Variants in DMBT1 observed in about 807,000 individuals in gnomAD.
The protein encoded by DMBT1 is deleted in malignant brain tumors 1, also known as scavenger receptor cysteine-rich domain-containing protein DMBT1.
In DMBT1, 198 loss-of-function variants were observed where a neutral mutation model predicts 252.9. That is an observed-to-expected ratio of 0.78 (90% CI 0.70 to 0.88). The LOEUF (loss-of-function observed/expected upper bound fraction) is 0.88, where lower values mean the gene tolerates loss of function less well. DMBT1 is among the 40% of genes least tolerant of loss of function. DMBT1 has a pLI of 0.00. For synonymous variants in DMBT1, 990 were observed against 942.7 expected, an observed-to-expected ratio of 1.05 and a Z score of -0.92; for missense variants, 2,432 against 2,404.7, an observed-to-expected ratio of 1.01 and a Z score of -0.24.
chr10:122,628,506 G>C (rs1220988901), intron 46 of DMBT1, among the ~76,000 whole-genome samples: 1 of 152,080 alleles, frequency 6.6e-6, no homozygotes, highest in African/African-American at 2.4e-5. Flanking sequence ...CATAGTGGTG[G>C]GCGGCTGTAA....
chr10:122,618,375 G>C, intron 41 of DMBT1, 35 bp downstream of exon 41: 1 of 1,613,594 alleles, frequency 6.2e-7, no homozygotes, highest in Non-Finnish European at 8.5e-7. Flanking sequence ...CCTCTCTTAA[G>C]TTGAAGTTTG....
At chr10:122,635,420 C>T (rs2098218642) in intron 52 of DMBT1, among the ~76,000 whole-genome samples, 1 of 152,124 alleles carries the variant, frequency 6.6e-6, no homozygotes, top group African/African-American at 2.4e-5. Flanking sequence ...AAAGGGCTGA[C>T]AGGTGAGGGG....
chr10:122,618,943 C>A (rs1565882454), intron 41 of DMBT1, among the ~76,000 whole-genome samples: 2 of 152,238 alleles, frequency 1.3e-5, no homozygotes, highest in Non-Finnish European at 2.9e-5. Flanking sequence ...CAGGCATGGC[C>A]TTGTTATTGC....
intron 54 of DMBT1, among the ~76,000 whole-genome samples, chr10:122,638,311 T>TTCACACC: frequency 7.1e-6 from 1 of 141,752 alleles, no homozygotes; most frequent in Admixed American, 7.3e-5. Context: ...CCATTCACAC[T>TTCACACC]CGTTCACACC....
intron 54 of DMBT1, 80 bp downstream of exon 54, chr10:122,637,392 G>A: frequency 7.2e-7 from 1 of 1,387,512 alleles, no homozygotes; most frequent in Non-Finnish European, 9.6e-7. Flanking sequence ...TTGAATTCTG[G>A]GGATGAAGAA....
rs190624285 is a variant in DMBT1 at position 122,576,442 on chromosome 10, C to T, written c.327C>T (p.Gly109=). ...GLALRLVNGD[G]RCQGRVEILY... ...CCCTGAGGCTGGTGAATGGAGATGG[C>T]AGGTGTCAGGGCCGAGTGGAGATCC... Residue 109 remains glycine (G), a synonymous_variant, in exon 7 of 56, where the codon GGC becomes GGT. Transcript: ENST00000338354. The T allele has an allele frequency of 4.2e-3, 6,791 of 1,613,900 alleles. 92 individuals carry two copies. Among genetic ancestry groups the T allele is most frequent in the Admixed American group, 0.029 (1,752 of 60,012 alleles).
chr10:122,585,144 G>T, intron 14 of DMBT1, 127 bp from the exon 15 acceptor site: 3 of 1,270,872 alleles, frequency 2.4e-6, no homozygotes, highest in Non-Finnish European at 1.1e-6. Context: ...CAGACACATG[G>T]GGAGCAAAGT....
Position 122,592,384 on chromosome 10 carries a change from T to C in DMBT1, c.2289T>C (p.Asp763=), listed in dbSNP as rs753846727. ...SWGTVCDDSW[D]TNDANVVCRQ... is the part of the protein sequence containing the mutation. ...GCACCGTGTGTGATGACAGCTGGGA[T>C]ACCAATGATGCCAATGTGGTCTGCA... Residue 763 remains aspartate, a synonymous_variant, in exon 20 of 56, where the codon GAT becomes GAC. Transcript: ENST00000338354. 33 of 1,588,416 alleles carry C rather than the reference T, an allele frequency of 2.1e-5. 8 individuals carry two copies. Among genetic ancestry groups the C allele is most frequent in the Middle Eastern group, 3.3e-4 (2 of 5,994 alleles).
In DMBT1 at chr10:122,630,306, C is replaced by T; in HGVS notation, c.5841C>T (p.Asn1947=). 1 of 1,613,976 alleles carries T rather than the reference C, an allele frequency of 6.2e-7. No individual in the cohort carries two copies. The highest frequency in any genetic ancestry group is 8.5e-7 in the Non-Finnish European group (1 of 1,179,840). Residue 1947 remains asparagine (N), a synonymous_variant, in exon 48 of 56, where the codon AAC becomes AAT. Transcript: ENST00000338354. ...FSNLKLEAHH[N]CSFDYVEIFD... ...CATACAGATTGGAGGCACACCATAA[C>T]TGCAGTTTTGATTATGTTGAAATCT...
rs1401404163 is a variant in DMBT1, at chr10:122,584,269, G to A, written c.1391-53G>A. 28 of 420,526 alleles carry A rather than the reference G, an allele frequency of 6.7e-5. 2 individuals carry two copies. Among genetic ancestry groups the A allele is most frequent in the African/African-American group, 6.1e-4 (17 of 27,680 alleles). The allele number at this position is 420,526 out of a possible 1,614,324, so 26.0% of individuals were successfully genotyped here. A position where few individuals can be genotyped will look rare whatever the true frequency, so the allele number is the denominator to read the frequency against. ...GTTTAGTTCCTTCCACCTTTGTTCC[G>A]ATTTTGCCAGCTTCTGTATAGTGCA... On this transcript the variant is annotated intron_variant, in intron 13 of 55. Coordinates refer to ENST00000338354, the MANE Select transcript of DMBT1 (RefSeq NM_001377530.1).
Position 122,573,781 on chromosome 10 carries a change from G to A in DMBT1, c.283+19G>A, listed in dbSNP as rs141625742. 6.2e-7 allele frequency: 1 copy of A among 1,611,892 alleles called. No individual in the cohort carries two copies. Among genetic ancestry groups the A allele is most frequent in the South Asian group, 1.1e-5 (1 of 91,020 alleles). ...GCAGAAGGTAACGTCTACTATGGGGGATCCCTGTAGGCTCATTACCCCCCT... is the reference window on the plus strand; with the variant it reads ...GCAGAAGGTAACGTCTACTATGGGGAATCCCTGTAGGCTCATTACCCCCCT... On this transcript the variant is annotated intron_variant, in intron 6 of 55. Coordinates refer to ENST00000338354, the MANE Select transcript of DMBT1 (RefSeq NM_001377530.1).
intron 55 of DMBT1, among the ~76,000 whole-genome samples, chr10:122,640,734 A>G (rs1193903756): frequency 6.6e-6 from 1 of 152,194 alleles, no homozygotes; most frequent in Non-Finnish European, 1.5e-5. Context: ...AGAACAGCTC[A>G]GCAGTGTTCA....
At position 122,630,776 on chromosome 10, in the gene DMBT1, C is replaced by T. The variant is rs28376720; in HGVS notation, c.6026-185C>T. ...TGGAGGTGAGGGGATCTGAGCTTGG[C>T]GATGTCTAGAGCCCCTTTCAGCTCT... On this transcript the variant is annotated intron_variant, in intron 48 of 55. Coordinates refer to ENST00000338354, the MANE Select transcript of DMBT1 (RefSeq NM_001377530.1). Among the ~76,000 whole-genome samples the T allele has an allele frequency of 0.022, 3,363 of 152,228 alleles. 65 individuals carry two copies. The highest frequency in any genetic ancestry group is 0.05 in the Admixed American group (760 of 15,298).
chr10:122,567,735 T>C (rs2097610850), intron 2 of DMBT1, among the ~76,000 whole-genome samples: 1 of 152,164 alleles, frequency 6.6e-6, no homozygotes, highest in South Asian at 2.1e-4. Flanking sequence ...ATGGTGCTTA[T>C]TGACTTCCCA....
At chr10:122,635,620 G>A (rs918732588) in intron 52 of DMBT1, among the ~76,000 whole-genome samples, 4 of 151,994 alleles carry the variant, frequency 2.6e-5, no homozygotes, top group Non-Finnish European at 4.4e-5. Flanking sequence ...GCACGATCTC[G>A]GCTCACTGCA....
At position 122,585,970 on chromosome 10, in the gene DMBT1, G is replaced by C. The variant is rs375545615; in HGVS notation, c.1460-90G>C. ...GTGACTGCCTGCCCAGGTGACTTTAGCCATTAGGACGTGCCTTGAGTGTGG... is the reference window on the plus strand; with the variant it reads ...GTGACTGCCTGCCCAGGTGACTTTACCCATTAGGACGTGCCTTGAGTGTGG... On this transcript the variant is annotated intron_variant, in intron 15 of 55. Coordinates refer to ENST00000338354, the MANE Select transcript of DMBT1 (RefSeq NM_001377530.1). The C allele has an allele frequency of 4.5e-6, 7 of 1,564,990 alleles. 1 individual carries two copies. Among genetic ancestry groups the C allele is most frequent in the East Asian group, 4.7e-5 (2 of 42,528 alleles).
chr10:122,625,202 A>T, intron 44 of DMBT1, 75 bp from the exon 45 acceptor site: 1 of 1,414,312 alleles, frequency 7.1e-7, no homozygotes, highest in African/African-American at 1.4e-5. Flanking sequence ...TGAGATGGGG[A>T]CAGGCACTCA....
chr10:122,597,646 A>C (rs3981002), intron 24 of DMBT1, among the ~76,000 whole-genome samples: 1 of 152,076 alleles, frequency 6.6e-6, no homozygotes, highest in African/African-American at 2.4e-5. Flanking sequence ...TTTCCCTAAC[A>C]TTTTAGCTCG....
rs759583388 is a variant in DMBT1, at chr10:122,618,213, C to T, written c.5088C>T (p.Gly1696=). 12 of 1,613,852 alleles carry T rather than the reference C, an allele frequency of 7.4e-6. No individual in the cohort carries two copies. The highest frequency in any genetic ancestry group is 8.5e-6 in the Non-Finnish European group (10 of 1,179,802). Reference sequence around the variant, plus strand: ...CAGGAAATGCCCAGTTTGGCCAGGGCTCAGGACCCATTGTCCTGGATGATG... The same window carrying T: ...CAGGAAATGCCCAGTTTGGCCAGGGTTCAGGACCCATTGTCCTGGATGATG... ...SAPGNAQFGQ[G]SGPIVLDDVR... Residue 1696 remains glycine (G), a synonymous_variant, in exon 41 of 56, where the codon GGC becomes GGT. Transcript: ENST00000338354.
Sources: gnomAD v4.1 joint callset for allele counts (sites outside exome capture counted in the v4.1 genomes callset) on GRCh38, gnomAD v4.1.1 for gene constraint, MANE v1.5 for transcripts, NCBI Gene and HGNC (gene_info 2026-07-23, HGNC 2026-07-21) for gene names.